CNTNAP5: variants seen among roughly 807,000 people sequenced by gnomAD.
CNTNAP5 encodes contactin-associated protein-like 5.
In CNTNAP5, 72 loss-of-function variants were observed where a neutral mutation model predicts 150.2. The ratio of observed to expected loss-of-function variants is 0.48; its 90% CI spans 0.40 to 0.58. CNTNAP5 has a LOEUF of 0.58. Among genes scored for constraint, CNTNAP5 ranks in the 20% least tolerant of loss-of-function variants. The pLI, the probability that CNTNAP5 is intolerant of heterozygous loss-of-function variation, is 0.00. For synonymous variants in CNTNAP5, 672 were observed against 619.8 expected (o/e 1.08, Z -1.25); for missense variants, 1,636 against 1,626.2 (o/e 1.01, Z -0.10).
At chr2:124,570,818 G>C (rs750899539) in intron 11 of CNTNAP5, among the ~76,000 whole-genome samples, 25 of 152,186 alleles carry the variant, frequency 1.6e-4, no homozygotes, top group Non-Finnish European at 2.6e-4. Context: ...ACACAGTAGA[G>C]AGAAGGATGA....
rs187486442 is a variant in CNTNAP5, at chr2:124,150,179, G to T, written c.83-71526G>T. ...ATTAAAAAAGGAACAGCACCAGAAA[G>T]TATTCATTTGCTGTTATATCAAAAC... On this transcript the variant is annotated intron_variant, in intron 1 of 23. Coordinates refer to ENST00000682447, the MANE Select transcript of CNTNAP5 (RefSeq NM_001367498.1). Among the ~76,000 whole-genome samples the T allele has an allele frequency of 2.8e-3, 426 of 152,280 alleles. 2 individuals carry two copies. The highest frequency in any genetic ancestry group is 9.9e-3 in the African/African-American group (412 of 41,566).
chr2:124,353,068 A>C (rs1052566729), intron 3 of CNTNAP5, among the ~76,000 whole-genome samples: 1 of 152,128 alleles, frequency 6.6e-6, no homozygotes, highest in Non-Finnish European at 1.5e-5. Flanking sequence ...ACATTGAGCG[A>C]GGTCTCCAGG....
At chr2:124,218,207 G>T (rs532146455) in intron 1 of CNTNAP5, among the ~76,000 whole-genome samples, 16 of 152,182 alleles carry the variant, frequency 1.1e-4, no homozygotes, top group African/African-American at 3.6e-4. Flanking sequence ...ATCAGACCTT[G>T]GCGACAACCT....
intron 4 of CNTNAP5, among the ~76,000 whole-genome samples, chr2:124,424,920 A>C (rs1215376145): frequency 1.3e-5 from 2 of 152,214 alleles, no homozygotes; most frequent in East Asian, 3.8e-4. Flanking sequence ...TTTCCTGATG[A>C]ATTAATGCCC....
intron 1 of CNTNAP5, among the ~76,000 whole-genome samples, chr2:124,208,198 C>G (rs1426316066): frequency 1.3e-5 from 2 of 152,118 alleles, no homozygotes; most frequent in African/African-American, 4.8e-5. Context: ...GGTTTGTTAT[C>G]TGGACCACAG....
intron 10 of CNTNAP5, among the ~76,000 whole-genome samples, chr2:124,560,594 C>A (rs1236981323): frequency 6.7e-6 from 1 of 149,770 alleles, no homozygotes; most frequent in African/African-American, 2.4e-5. Flanking sequence ...TTCTTTCTTA[C>A]CCAAAGTTAA....
chr2:124,716,897 G>A (rs1679956401), intron 13 of CNTNAP5, among the ~76,000 whole-genome samples: 1 of 152,106 alleles, frequency 6.6e-6, no homozygotes, highest in African/African-American at 2.4e-5. Flanking sequence ...ATAACATCGG[G>A]CTGGTCTGGC....
chr2:124,349,252 T>C (rs1452641363), intron 3 of CNTNAP5, among the ~76,000 whole-genome samples: 1 of 152,224 alleles, frequency 6.6e-6, no homozygotes, highest in Non-Finnish European at 1.5e-5. Context: ...TCCTAGACTA[T>C]ACACCTGTAC....
At chr2:124,030,572 T>C (rs1345411374) in intron 1 of CNTNAP5, among the ~76,000 whole-genome samples, 1 of 152,096 alleles carries the variant, frequency 6.6e-6, no homozygotes, top group Non-Finnish European at 1.5e-5. Context: ...GGGTTCTTTA[T>C]GGTTAATTTC....
At position 124,391,329 on chromosome 2, in the gene CNTNAP5, A is replaced by G. The variant is rs545134166; in HGVS notation, c.382-26114A>G. 9.8e-5 allele frequency among the ~76,000 whole-genome samples: 15 copies of G among 152,354 alleles called. No individual in the cohort carries two copies. The East Asian group carries it at 2.7e-3, about 27-fold the overall frequency. On this transcript the variant is annotated intron_variant, in intron 3 of 23. Coordinates refer to ENST00000682447, the MANE Select transcript of CNTNAP5 (RefSeq NM_001367498.1). ...AGTATTTAGATATGCTAATTAGAATATAAAATTTAGAAAATTTAAAATGGA... is the reference window on the plus strand; with the variant it reads ...AGTATTTAGATATGCTAATTAGAATGTAAAATTTAGAAAATTTAAAATGGA...
intron 12 of CNTNAP5, among the ~76,000 whole-genome samples, chr2:124,617,955 A>G (rs1162978933): frequency 1.3e-5 from 2 of 152,146 alleles, no homozygotes; most frequent in African/African-American, 4.8e-5. Context: ...CCAGGAAGAC[A>G]GAATGAAGGG....
intron 8 of CNTNAP5, among the ~76,000 whole-genome samples, chr2:124,511,737 G>T (rs1694595642): frequency 6.6e-6 from 1 of 152,202 alleles, no homozygotes; most frequent in South Asian, 2.1e-4. Flanking sequence ...CCAGGGCCAA[G>T]CCCCTTGCCA....
intron 17 of CNTNAP5, among the ~76,000 whole-genome samples, chr2:124,786,382 AGAAAGAAAGAAAGAAAGAAGGAAGGAAG>A (rs1681578316): frequency 1.2e-4 from 11 of 88,346 alleles, no homozygotes; most frequent in Admixed American, 2.2e-4. Context: ...AAAGAAAGAA[AGAAAGAAAGAAAGAAAGAAGGAAGGAAG>A]GAAGGAAGGA....
At chr2:124,043,713 A>G (rs550966724) in intron 1 of CNTNAP5, among the ~76,000 whole-genome samples, 1 of 152,130 alleles carries the variant, frequency 6.6e-6, no homozygotes, top group East Asian at 1.9e-4. Flanking sequence ...TGGGTGGGAG[A>G]GAAGATTCAG....
Position 124,747,250 on chromosome 2 carries a change from G to T in CNTNAP5, c.2099G>T (p.Trp700Leu). Residue 700 changes from tryptophan to leucine, a missense_variant, in exon 14 of 24, where the codon TGG (tryptophan) becomes TTG (leucine). Physicochemically the swap from Trp to Leu is moderately conservative, Grantham distance 61. Transcript: ENST00000682447. ...CCAGATGGAACACCATTTACCTGGTGGATTGGGCGGTCCAATGAAAGGCAC... is the reference window on the plus strand; with the variant it reads ...CCAGATGGAACACCATTTACCTGGTTGATTGGGCGGTCCAATGAAAGGCAC... ...NTPDGTPFTW[W>L]IGRSNERHPY... The T allele has an allele frequency of 1.2e-6, 2 of 1,613,576 alleles. No individual in the cohort carries two copies. Among genetic ancestry groups the T allele is most frequent in the Non-Finnish European group, 1.7e-6 (2 of 1,179,670 alleles).
intron 21 of CNTNAP5, among the ~76,000 whole-genome samples, chr2:124,874,007 C>A (rs1218987600): frequency 6.6e-6 from 1 of 151,988 alleles, no homozygotes; most frequent in African/African-American, 2.4e-5. Context: ...GCTACAGATA[C>A]TGTTATAAAT....
rs922561085 is a variant in CNTNAP5 at position 124,386,115 on chromosome 2, G to A, written c.382-31328G>A. Among the ~76,000 whole-genome samples the A allele has an allele frequency of 7.9e-5, 12 of 152,116 alleles. 1 individual carries two copies. The highest frequency in any genetic ancestry group is 7.2e-4 in the Admixed American group (11 of 15,270). On this transcript the variant is annotated intron_variant, in intron 3 of 23. Transcript: ENST00000682447. ...TGCATTTCCTGTGGAGTGATGGGGG[G>A]TACCTCACTGTCCTTCTCTTTCACA...
Position 124,255,598 on chromosome 2 carries a change from T to TAAA in CNTNAP5, c.381+13208_381+13210dup, listed in dbSNP as rs70996054. 5.3e-3 allele frequency among the ~76,000 whole-genome samples: 772 copies of TAAA among 146,904 alleles called. 13 individuals are homozygous for TAAA. The highest frequency in any genetic ancestry group is 6.2e-3 in the Non-Finnish European group (414 of 66,880). ...ATAAAATAAAATAATAATTTTTTTTTAAAAAGTAAATAAAAGCAATGGGAA... is the reference window on the plus strand; with the variant it reads ...ATAAAATAAAATAATAATTTTTTTTTAAAAAAAAGTAAATAAAAGCAATGGGAA... On this transcript the variant is annotated intron_variant, in intron 3 of 23. Transcript: ENST00000682447.
chr2:124,416,764 A>G (rs948586791), intron 3 of CNTNAP5, among the ~76,000 whole-genome samples: 8 of 152,064 alleles, frequency 5.3e-5, no homozygotes, highest in African/African-American at 1.9e-4. Context: ...AATTACTTCA[A>G]TAAAATCCTT....
Sources: allele counts gnomAD v4.1 joint callset (sites outside exome capture counted in the v4.1 genomes callset), GRCh38; gene constraint gnomAD v4.1.1; transcripts MANE v1.5; gene names NCBI Gene and HGNC (gene_info 2026-07-23, HGNC 2026-07-21).